The following MYL5 variants were observed in gnomAD, a reference collection of about 807,000 sequenced individuals.
MYL5 encodes the protein myosin regulatory light chain 5.
MYL5 carries 28 observed loss-of-function variants against 20.8 expected under a neutral mutation model. That is an observed-to-expected ratio of 1.35 (90% CI 1.00 to 1.84). The LOEUF is 1.84. MYL5 is among the 40% of genes most tolerant of loss of function. The pLI is 0.00. For missense variants in MYL5, 274 were observed against 227.3 expected (o/e 1.21, Z -1.32); for synonymous variants, 118 against 87.4 (o/e 1.35, Z -1.95).
chr4:679,888 C>T (rs746614932), intron 3 of MYL5, 26 bp from the exon 6 acceptor site: 15 of 1,608,372 alleles, frequency 9.3e-6, no homozygotes, highest in African/African-American at 1.3e-5. Flanking sequence ...AAGCCCTGCC[C>T]TGTGATGCCC....
chr4:678,626 C>G (rs960815515), intron 1 of MYL5, 32 bp from the exon 4 acceptor site: 1 of 1,582,926 alleles, frequency 6.3e-7, no homozygotes, highest in African/African-American at 1.3e-5. Flanking sequence ...TCAGCCAGCC[C>G]AGGACCCTCA....
chr4:675,173 T>C (rs891286641), upstream of MYL5: 1 of 152,474 alleles, frequency 6.6e-6, no homozygotes, highest in African/African-American at 2.4e-5. Flanking sequence ...CTCCCACAGC[T>C]GCCCAGAGAT....
intron 1 of MYL5, 124 bp from the exon 4 acceptor site, chr4:678,534 G>GC (rs1309913072): frequency 1.4e-6 from 2 of 1,462,708 alleles, no homozygotes; most frequent in Non-Finnish European, 9.0e-7. Context: ...CAGCTGTCTG[G>GC]CCCCCTCCAG....
chr4:677,166 G>A (rs1243781099), upstream of MYL5, among the ~76,000 whole-genome samples: 2 of 152,194 alleles, frequency 1.3e-5, no homozygotes, highest in African/African-American at 4.8e-5. Flanking sequence ...CAGGCCTGGG[G>A]GGCTCCAAAA....
At chr4:681,595 C>G (rs1464953091) in intron 6 of MYL5, among the ~76,000 whole-genome samples, 1 of 137,324 alleles carries the variant, frequency 7.3e-6, no homozygotes, top group East Asian at 2.2e-4. Context: ...GCTGCAGCCG[C>G]CGCCGCCCCG....
chr4:678,174 G>A, intron 1 of MYL5, 145 bp downstream of exon 3: 1 of 1,538,248 alleles, frequency 6.5e-7, no homozygotes, highest in Non-Finnish European at 8.8e-7. Flanking sequence ...GCATATGTGT[G>A]TGCATGAGCG....
intron 1 of MYL5, 172 bp downstream of exon 3, chr4:678,201 T>C: frequency 2.0e-6 from 3 of 1,520,070 alleles, no homozygotes; most frequent in Non-Finnish European, 2.7e-6. Context: ...TGTGCGTGTG[T>C]GTGACCTTGC....
intron 1 of MYL5, 37 bp downstream of exon 3, chr4:678,066 T>C: frequency 1.9e-6 from 3 of 1,611,436 alleles, no homozygotes; most frequent in Non-Finnish European, 2.5e-6. Context: ...GGCAGGCGTG[T>C]GGGTGTGAGC....
chr4:680,011 G>A, exon 4 of MYL5: 1 of 1,612,270 alleles, frequency 6.2e-7, no homozygotes, highest in Non-Finnish European at 8.5e-7. Flanking sequence ...TTGGGGAGAA[G>A]CTGAGCGGTG....
At chr4:678,519 C>G in intron 1 of MYL5, 139 bp from the exon 4 acceptor site, 1 of 1,452,024 alleles carries the variant, frequency 6.9e-7, no homozygotes, top group Non-Finnish European at 9.0e-7. Flanking sequence ...GGCTGGCATG[C>G]TCCTCAGCTG....
intron 6 of MYL5, 107 bp downstream of exon 8, chr4:681,247 AC>A: frequency 7.2e-7 from 1 of 1,380,912 alleles, no homozygotes; most frequent in Non-Finnish European, 9.9e-7. Context: ...CGCGGTTAGG[AC>A]CCAGGACAGA....
At chr4:676,705 C>G (rs1372857209), upstream of MYL5, among the ~76,000 whole-genome samples, 1 of 152,164 alleles carries the variant, frequency 6.6e-6, no homozygotes, top group East Asian at 1.9e-4. Flanking sequence ...TGGTTCTCCC[C>G]ACTCCTGCAG....
intron 6 of MYL5, 108 bp downstream of exon 8, chr4:681,248 C>A: frequency 7.3e-7 from 1 of 1,369,314 alleles, no homozygotes; most frequent in Non-Finnish European, 1.0e-6. Flanking sequence ...GCGGTTAGGA[C>A]CCAGGACAGA....
At chr4:680,472 C>T in intron 4 of MYL5, 37 bp from the exon 7 acceptor site, 1 of 1,609,374 alleles carries the variant, frequency 6.2e-7, no homozygotes, top group Non-Finnish European at 8.5e-7. Context: ...GGGACTGCCA[C>T]CCTGACGGCC....
exon 1 of MYL5, chr4:677,928 GC>G: frequency 6.2e-7 from 1 of 1,602,156 alleles, no homozygotes; most frequent in South Asian, 1.1e-5. Context: ...GTAGGGAGTG[GC>G]AGCCGGAGTC....
intron 3 of MYL5, among the ~76,000 whole-genome samples, chr4:679,454 G>C (rs116497768): frequency 6.6e-6 from 1 of 152,122 alleles, no homozygotes; most frequent in South Asian, 2.1e-4. Context: ...AGCACAGCCC[G>C]AGTGTGGTGG....
exon 3 of MYL5, chr4:678,994 A>G (rs1467347205): frequency 6.2e-7 from 1 of 1,613,818 alleles, no homozygotes; most frequent in Admixed American, 1.7e-5. Context: ...AGATGGCTTC[A>G]TTGACAAGGA....
upstream of MYL5, chr4:676,970 AG>A: frequency 2.1e-6 from 2 of 975,468 alleles, no homozygotes; most frequent in Non-Finnish European, 2.4e-6. Context: ...TGTGTCCCTC[AG>A]GGGGTAGGAC....
chr4:680,593 T>C lies in MYL5; in HGVS notation c.371+6T>C. 6.2e-7 allele frequency: 1 copy of C among 1,611,896 alleles called. No homozygotes were observed. The highest frequency in any genetic ancestry group is 8.5e-7 in the Non-Finnish European group (1 of 1,179,730). On this transcript the variant is annotated splice_donor_region_variant and intron_variant, in intron 5 of 6. Transcript: ENST00000400159. The stretch of plus-strand genomic sequence containing the variant: ...GGGAAAATCAACAAGGAGTAGTGAG[T>C]GCCCGGGCGGCCAGGGCGGCCCGGC...
Sources: allele counts gnomAD v4.1 joint callset (sites outside exome capture counted in the v4.1 genomes callset), GRCh38; gene constraint gnomAD v4.1.1; transcripts MANE v1.5; gene names NCBI Gene and HGNC (gene_info 2026-07-23, HGNC 2026-07-21).